LIMCH1: variants seen among roughly 807,000 people sequenced by gnomAD.
The protein encoded by LIMCH1 is LIM and calponin homology domains-containing protein 1.
A neutral mutation model predicts 176.5 loss-of-function variants in LIMCH1; 113 were observed. The observed-to-expected ratio is 0.64, with a 90% CI of 0.55 to 0.75. The LOEUF is 0.75. LIMCH1 is among the 30% of genes least tolerant of loss of function. The pLI is 0.00. For synonymous variants in LIMCH1, 619 were observed against 645.9 expected (o/e 0.96, Z 0.63); for missense variants, 1,674 against 1,814.9 (o/e 0.92, Z 1.41).
chr4:41,518,604 A>G (rs1021012547), intron 2 of LIMCH1, among the ~76,000 whole-genome samples: 52 of 152,158 alleles, frequency 3.4e-4, no homozygotes, highest in Admixed American at 2.7e-3. Context: ...TCTGAGATAC[A>G]TGTGCAGAAC....
intron 1 of LIMCH1, among the ~76,000 whole-genome samples, chr4:41,415,076 A>G (rs1012690082): frequency 6.6e-6 from 1 of 152,192 alleles, no homozygotes; most frequent in Non-Finnish European, 1.5e-5. Flanking sequence ...TGACGCATGT[A>G]AAGGCTTTAG....
chr4:41,449,569 C>T (rs554869664), intron 1 of LIMCH1, among the ~76,000 whole-genome samples: 32 of 152,084 alleles, frequency 2.1e-4, no homozygotes, highest in Non-Finnish European at 3.7e-4. Flanking sequence ...TATATTCTCC[C>T]TTATACATGA....
At position 41,496,836 on chromosome 4, in the gene LIMCH1, A is replaced by G. The variant is rs144501589; in HGVS notation, c.167+2230A>G. On this transcript the variant is annotated intron_variant, in intron 2 of 26. Transcript: ENST00000313860. ...GATTTTAGAAGTTGAAGGCTCCCAG[A>G]CAGTGGAGCCACACAGGTGTCAAAC... Among the ~76,000 whole-genome samples, 165 of 152,330 alleles carry G rather than the reference A, an allele frequency of 1.1e-3. 1 individual carries two copies. The highest frequency in any genetic ancestry group is 3.8e-3 in the African/African-American group (160 of 41,560).
chr4:41,681,101 C>A, intron 25 of LIMCH1, 42 bp downstream of exon 25: 1 of 1,279,748 alleles, frequency 7.8e-7, no homozygotes, highest in South Asian at 1.2e-5. Context: ...ATAAATAAAC[C>A]TAAATGGAAG....
intron 1 of LIMCH1, among the ~76,000 whole-genome samples, chr4:41,443,519 C>A (rs2062940736): frequency 6.6e-6 from 1 of 152,314 alleles, no homozygotes; most frequent in South Asian, 2.1e-4. Flanking sequence ...TGAAACCATT[C>A]TTCTTTCATG....
At chr4:41,431,910 C>T (rs908055530) in intron 1 of LIMCH1, among the ~76,000 whole-genome samples, 1 of 152,130 alleles carries the variant, frequency 6.6e-6, no homozygotes, top group Admixed American at 6.6e-5. Flanking sequence ...ATGACTAACA[C>T]CAATTGAATA....
chr4:41,400,271 G>C (rs549407690), intron 1 of LIMCH1, among the ~76,000 whole-genome samples: 1 of 152,234 alleles, frequency 6.6e-6, no homozygotes, highest in African/African-American at 2.4e-5. Context: ...GAAAAAAATG[G>C]AAGTCCAGGG....
chr4:41,530,323 G>T (rs1349681658), intron 3 of LIMCH1, among the ~76,000 whole-genome samples: 2 of 152,182 alleles, frequency 1.3e-5, no homozygotes, highest in Non-Finnish European at 2.9e-5. Context: ...TGCTTTGGGT[G>T]TCTAGCTGTC....
intron 3 of LIMCH1, chr4:41,604,353 C>T (rs1325211650): frequency 3.9e-5 from 14 of 357,052 alleles, no homozygotes; most frequent in Admixed American, 6.5e-5. Flanking sequence ...AAATCTTTTG[C>T]ACTTTTATTA....
At chr4:41,360,353 C>T (rs1423247763), upstream of LIMCH1, among the ~76,000 whole-genome samples, 5 of 152,060 alleles carry the variant, frequency 3.3e-5, no homozygotes, top group Non-Finnish European at 5.9e-5. This position sits in a 1 kb window ranked among gnomAD's most constrained non-coding sequence, Gnocchi z 4.5. Context: ...GCGCCCGCTC[C>T]CCCGGGCCCG....
chr4:41,597,240 G>T (rs911583966), intron 1 of LIMCH1, among the ~76,000 whole-genome samples: 1 of 152,074 alleles, frequency 6.6e-6, no homozygotes, highest in Admixed American at 6.6e-5. Context: ...CCATCGTTTG[G>T]GGGCTGTGTG....
intron 1 of LIMCH1, among the ~76,000 whole-genome samples, chr4:41,584,452 G>A (rs993332735): frequency 6.6e-6 from 1 of 152,160 alleles, no homozygotes; most frequent in African/African-American, 2.4e-5. Context: ...TTTATGAGCT[G>A]TGAAAAGGTG....
chr4:41,644,360 A>T, intron 14 of LIMCH1, 140 bp from the exon 15 acceptor site: 1 of 1,126,140 alleles, frequency 8.9e-7, no homozygotes, highest in Non-Finnish European at 1.2e-6. Flanking sequence ...ACACACCGCC[A>T]GTCACGCGCT....
At position 41,658,354 on chromosome 4, in the gene LIMCH1, C is replaced by T. The variant is rs115968824; in HGVS notation, c.3037-3066C>T. On this transcript the variant is annotated intron_variant, in intron 18 of 31. Transcript: ENST00000503057. ...ATGTCAGGATGTAACCTTTAAAGCA[C>T]CTTTTAAGGTAAGTTATCTGGAGTT... is the stretch of plus-strand genomic sequence containing the variant. 9.8e-3 allele frequency among the ~76,000 whole-genome samples: 1,493 copies of T among 152,298 alleles called. 24 individuals are homozygous for T. The highest frequency in any genetic ancestry group is 0.034 in the African/African-American group (1,395 of 41,554).
intron 2 of LIMCH1, among the ~76,000 whole-genome samples, chr4:41,510,740 C>T (rs2074801136): frequency 6.6e-6 from 1 of 152,108 alleles, no homozygotes; most frequent in Non-Finnish European, 1.5e-5. Context: ...AGGCGTCTGC[C>T]ACCATGCCTG....
At chr4:41,495,020 G>A (rs1407399602) in intron 2 of LIMCH1, among the ~76,000 whole-genome samples, 1 of 152,116 alleles carries the variant, frequency 6.6e-6, no homozygotes, top group Non-Finnish European at 1.5e-5. Flanking sequence ...AAACATGCCG[G>A]GTAATGCTCC....
chr4:41,652,899 G>T lies in LIMCH1; in HGVS notation c.3036+2291G>T, dbSNP rs116377206. On this transcript the variant is annotated intron_variant, in intron 18 of 31. Transcript: ENST00000503057. ...AGGATGCAGGTCTAAACTCAGAAAAGCCTGGGAGTCTTTTCCTTTTGTGTA... is the reference window on the plus strand; with the variant it reads ...AGGATGCAGGTCTAAACTCAGAAAATCCTGGGAGTCTTTTCCTTTTGTGTA... Among the ~76,000 whole-genome samples, 1,500 of 152,268 alleles carry T rather than the reference G, an allele frequency of 9.9e-3. 24 individuals are homozygous for T. The highest frequency in any genetic ancestry group is 0.034 in the African/African-American group (1,403 of 41,560).
chr4:41,607,446 A>G (rs1485346770), intron 4 of LIMCH1, among the ~76,000 whole-genome samples: 1 of 152,248 alleles, frequency 6.6e-6, no homozygotes, highest in Non-Finnish European at 1.5e-5. Flanking sequence ...AATGAAGCAC[A>G]ACTCATTGCT....
intron 1 of LIMCH1, among the ~76,000 whole-genome samples, chr4:41,371,732 G>C (rs1055781722): frequency 6.6e-6 from 1 of 152,124 alleles, no homozygotes; most frequent in Non-Finnish European, 1.5e-5. Context: ...CGTAGCTCCT[G>C]AGTCCCCACA....
Sources: allele counts gnomAD v4.1 joint callset (sites outside exome capture counted in the v4.1 genomes callset), GRCh38; gene constraint gnomAD v4.1.1; non-coding constraint Gnocchi (gnomAD v3.1); transcripts MANE v1.5; gene names NCBI Gene and HGNC (gene_info 2026-07-23, HGNC 2026-07-21).